Variants in NPLOC4 observed in about 807,000 individuals in gnomAD.
NPLOC4 encodes nuclear protein localization protein 4 homolog.
NPLOC4 carries 18 observed loss-of-function variants against 80.6 expected under a neutral mutation model. That is an observed-to-expected ratio of 0.22 (90% CI 0.15 to 0.33). The LOEUF (loss-of-function observed/expected upper bound fraction) is 0.33, where lower values mean the gene tolerates loss of function less well. NPLOC4 is among the 10% of genes least tolerant of loss of function. The pLI, the probability that NPLOC4 is intolerant of heterozygous loss-of-function variation, is 1.00. For missense variants in NPLOC4, 540 were observed against 786.1 expected (o/e 0.69, Z 3.74); for synonymous variants, 313 against 301.5 (o/e 1.04, Z -0.39).
At chr17:81,559,901 T>G (rs1019755091) in intron 16 of NPLOC4, among the ~76,000 whole-genome samples, 1 of 151,528 alleles carries the variant, frequency 6.6e-6, no homozygotes, top group Admixed American at 6.6e-5. Flanking sequence ...CCTGGCTAAT[T>G]TTATCTATTT....
intron 10 of NPLOC4, among the ~76,000 whole-genome samples, 179 bp downstream of exon 10, chr17:81,597,066 T>C (rs932826679): frequency 2.0e-5 from 3 of 151,982 alleles, no homozygotes; most frequent in African/African-American, 7.2e-5. Context: ...TGAGCAGAGA[T>C]TGCGCCACTG....
chr17:81,619,573 GA>G (rs1232899385), intron 3 of NPLOC4, among the ~76,000 whole-genome samples: 7 of 143,118 alleles, frequency 4.9e-5, no homozygotes, highest in African/African-American at 7.8e-5. Flanking sequence ...AAAAAAGAAA[GA>G]AAAGAAAAGA....
chr17:81,598,259 C>T (rs2034973615), intron 9 of NPLOC4, among the ~76,000 whole-genome samples: 1 of 152,158 alleles, frequency 6.6e-6, no homozygotes, highest in Admixed American at 6.5e-5. Context: ...GGATCTCCAT[C>T]TCTGTTCAGT....
intron 2 of NPLOC4, among the ~76,000 whole-genome samples, chr17:81,629,192 CT>C (rs141999520): frequency 2.1e-3 from 239 of 115,736 alleles, no homozygotes; most frequent in African/African-American, 3.9e-3. Context: ...TTATGAAATA[CT>C]TTTTTTTTTT....
At chr17:81,609,802 C>A (rs188450628) in intron 5 of NPLOC4, among the ~76,000 whole-genome samples, 3 of 152,272 alleles carry the variant, frequency 2.0e-5, no homozygotes, top group East Asian at 3.9e-4. Flanking sequence ...CAGTTCCAGT[C>A]GGCATTATTA....
chr17:81,600,921 G>A (rs1568144778), intron 8 of NPLOC4, among the ~76,000 whole-genome samples: 1 of 152,198 alleles, frequency 6.6e-6, no homozygotes, highest in Admixed American at 6.5e-5. Flanking sequence ...TCACAGCTAA[G>A]ATACTCAGTT....
chr17:81,621,840 C>G (rs557688615), intron 3 of NPLOC4, among the ~76,000 whole-genome samples: 19 of 152,220 alleles, frequency 1.2e-4, no homozygotes, highest in Non-Finnish European at 2.4e-4. Flanking sequence ...TCCCGGCACA[C>G]AGCTGTGTTC....
chr17:81,578,464 C>T (rs781071299), intron 12 of NPLOC4, among the ~76,000 whole-genome samples: 13 of 152,154 alleles, frequency 8.5e-5, no homozygotes, highest in African/African-American at 1.4e-4. Flanking sequence ...ATAAACGGTA[C>T]GACTGGTCCG....
chr17:81,591,987 A>C (rs8071190), intron 11 of NPLOC4, among the ~76,000 whole-genome samples: 116,476 of 152,198 alleles, frequency 0.77, 45,521 homozygotes, highest in Middle Eastern at 0.84. Context: ...TTCCACAGGG[A>C]CCCTCAGGGT....
At chr17:81,634,824 C>A (rs998068365) in intron 1 of NPLOC4, among the ~76,000 whole-genome samples, 12 of 151,294 alleles carry the variant, frequency 7.9e-5, no homozygotes, top group Non-Finnish European at 1.5e-4. Context: ...ACCTCGTGAT[C>A]CGCCCACCTC....
intron 3 of NPLOC4, among the ~76,000 whole-genome samples, chr17:81,621,941 A>C (rs1167631279): frequency 6.6e-6 from 1 of 152,222 alleles, no homozygotes; most frequent in Non-Finnish European, 1.5e-5. Flanking sequence ...CAGTGACACA[A>C]ATTCCAGAAT....
At chr17:81,571,384 C>A (rs1226126158) in intron 13 of NPLOC4, among the ~76,000 whole-genome samples, 1 of 152,190 alleles carries the variant, frequency 6.6e-6, no homozygotes, top group Non-Finnish European at 1.5e-5. Context: ...TCTCCATGAC[C>A]ATAAAATGCC....
intron 6 of NPLOC4, 60 bp downstream of exon 6, chr17:81,608,665 GCAA>G: frequency 8.1e-7 from 1 of 1,242,178 alleles, no homozygotes; most frequent in Non-Finnish European, 1.2e-6. Flanking sequence ...CTGGCTATAA[GCAA>G]CAACTGCCAG....
intron 1 of NPLOC4, among the ~76,000 whole-genome samples, chr17:81,632,666 C>T (rs533248722): frequency 2.6e-5 from 4 of 152,086 alleles, no homozygotes; most frequent in Non-Finnish European, 4.4e-5. Context: ...GAGGTTACCA[C>T]GAGTGTTACA....
intron 3 of NPLOC4, among the ~76,000 whole-genome samples, chr17:81,621,174 CAGCTCAAA>C (rs2035656778): frequency 2.0e-5 from 3 of 151,662 alleles, no homozygotes; most frequent in Admixed American, 2.0e-4. Flanking sequence ...AACCCCTCAC[CAGCTCAAA>C]AGAAGGATGA....
Position 81,629,675 on chromosome 17 carries a change from G to A in NPLOC4, c.96+50C>T, listed in dbSNP as rs184207192. The A allele has an allele frequency of 7.5e-3, 9,776 of 1,297,636 alleles. 64 individuals carry two copies. Among genetic ancestry groups the A allele is most frequent in the Non-Finnish European group, 8.2e-3 (7,310 of 893,204 alleles). 80.4% of individuals were successfully genotyped at this position (1,297,636 alleles called of 1,614,324 possible). Reference sequence around the variant, plus strand: ...AGAGAAAAGGTATCGATGGCAGTAAGAGTAGAGGATGAAAAATATCCTGAG... The same window carrying A: ...AGAGAAAAGGTATCGATGGCAGTAAAAGTAGAGGATGAAAAATATCCTGAG... On this transcript the variant is annotated intron_variant, in intron 2 of 16. Transcript: ENST00000331134.
chr17:81,597,361 C>T (rs371916652), intron 9 of NPLOC4, 45 bp from the exon 10 acceptor site: 6 of 1,478,158 alleles, frequency 4.1e-6, no homozygotes, highest in Middle Eastern at 1.7e-4. Flanking sequence ...TCAAGATAGA[C>T]GATGAATGGC....
chr17:81,597,468 G>A (rs2034943125), intron 9 of NPLOC4, 152 bp from the exon 10 acceptor site: 1 of 610,602 alleles, frequency 1.6e-6, no homozygotes, highest in East Asian at 2.9e-5. Flanking sequence ...GGCCAATACA[G>A]TGAAACCCCA....
chr17:81,601,467 G>C (rs2035054706), intron 8 of NPLOC4, among the ~76,000 whole-genome samples: 1 of 152,188 alleles, frequency 6.6e-6, no homozygotes, highest in Non-Finnish European at 1.5e-5. Context: ...TGCCATGTCA[G>C]CCAGGCTAGT....
Sources: allele counts gnomAD v4.1 joint callset (sites outside exome capture counted in the v4.1 genomes callset), GRCh38; gene constraint gnomAD v4.1.1; transcripts MANE v1.5; gene names NCBI Gene and HGNC (gene_info 2026-07-23, HGNC 2026-07-21).